Variants in DTNB observed in about 807,000 individuals in gnomAD.
The protein encoded by DTNB is dystrobrevin beta.
Under a neutral mutation model 90.7 loss-of-function variants are expected in DTNB, and 63 were observed. The observed-to-expected ratio is 0.69, with a 90% CI of 0.57 to 0.86. The LOEUF (loss-of-function observed/expected upper bound fraction) is 0.86. Among genes scored for constraint, DTNB ranks in the 40% least tolerant of loss-of-function variants. DTNB has a pLI of 0.00. For synonymous variants in DTNB, 277 were observed against 286.7 expected (o/e 0.97, Z 0.34); for missense variants, 744 against 807.1 (o/e 0.92, Z 0.95).
intron 10 of DTNB, among the ~76,000 whole-genome samples, chr2:25,464,965 C>T (rs969793005): frequency 3.9e-5 from 6 of 152,272 alleles, no homozygotes; most frequent in South Asian, 2.1e-4. Flanking sequence ...AGAGAAAGGG[C>T]ATGAGTGGAT....
At chr2:25,416,315 G>T (rs1290853499) in intron 16 of DTNB, among the ~76,000 whole-genome samples, 1 of 152,226 alleles carries the variant, frequency 6.6e-6, no homozygotes, top group Non-Finnish European at 1.5e-5. Context: ...GATTTACAGA[G>T]CCAGTTTTGG....
chr2:25,632,210 A>G (rs917377044), intron 3 of DTNB, among the ~76,000 whole-genome samples: 31 of 151,794 alleles, frequency 2.0e-4, no homozygotes, highest in Admixed American at 4.6e-4. Context: ...AAAAAAAAAA[A>G]AAAGAAATTG....
chr2:25,659,642 CA>C (rs1232816967), intron 1 of DTNB, among the ~76,000 whole-genome samples: 8 of 152,026 alleles, frequency 5.3e-5, no homozygotes, highest in African/African-American at 1.9e-4. Context: ...ATACATATAA[CA>C]ACTCAGATAA....
At chr2:25,654,999 A>G (rs1031897406) in intron 1 of DTNB, among the ~76,000 whole-genome samples, 4 of 152,250 alleles carry the variant, frequency 2.6e-5, no homozygotes, top group Admixed American at 6.5e-5. Context: ...AACAGGAGCC[A>G]TAACACTGAC....
At chr2:25,422,221 T>C (rs1006602540) in intron 15 of DTNB, among the ~76,000 whole-genome samples, 3 of 152,078 alleles carry the variant, frequency 2.0e-5, no homozygotes, top group East Asian at 1.9e-4. Flanking sequence ...CCTAAAAACA[T>C]GTGAGTCTCT....
At chr2:25,630,587 G>C (rs1242020131) in intron 3 of DTNB, among the ~76,000 whole-genome samples, 1 of 152,166 alleles carries the variant, frequency 6.6e-6, no homozygotes, top group Admixed American at 6.5e-5. Context: ...GCTCATGCCT[G>C]TAATCCCAGC....
At position 25,422,102 on chromosome 2, in the gene DTNB, G is replaced by T. The variant is rs2049909641; in HGVS notation, c.1555-2567C>A. On this transcript the variant is annotated intron_variant, in intron 15 of 20. Coordinates refer to ENST00000406818, the MANE Select transcript of DTNB (RefSeq NM_021907.5). ...CTGAGAACCTCTGTGTTATCAACTA[G>T]TCAGGTGGGGTCACTAAATATTGAC... Among the ~76,000 whole-genome samples, 5 of 152,180 alleles carry T rather than the reference G, an allele frequency of 3.3e-5. No individual in the cohort carries two copies. The South Asian group carries it at 1.0e-3, about 31-fold the overall frequency.
intron 20 of DTNB, 35 bp downstream of exon 20, chr2:25,379,255 G>A (rs370598266): frequency 3.1e-5 from 41 of 1,313,144 alleles, no homozygotes; most frequent in Non-Finnish European, 3.8e-5. Flanking sequence ...AAGGAGGGAG[G>A]GGCCGTGGGG....
chr2:25,457,117 C>T (rs149510769), intron 10 of DTNB, among the ~76,000 whole-genome samples: 85 of 152,212 alleles, frequency 5.6e-4, no homozygotes, highest in African/African-American at 1.9e-3. Context: ...TCAAGTGATT[C>T]TCCTGCCTCA....
At chr2:25,524,845 T>C (rs1211904381) in intron 9 of DTNB, among the ~76,000 whole-genome samples, 1 of 152,172 alleles carries the variant, frequency 6.6e-6, no homozygotes, top group Non-Finnish European at 1.5e-5. Context: ...CAAACAAACA[T>C]TTATGAGCTG....
At chr2:25,533,301 TG>T (rs2078628115) in intron 8 of DTNB, among the ~76,000 whole-genome samples, 1 of 138,990 alleles carries the variant, frequency 7.2e-6, no homozygotes, top group African/African-American at 2.8e-5. Context: ...CACCCCACCC[TG>T]GGCGACAGAG....
chr2:25,597,516 T>C (rs900407830), intron 5 of DTNB, among the ~76,000 whole-genome samples: 8 of 152,090 alleles, frequency 5.3e-5, no homozygotes, highest in African/African-American at 1.9e-4. Context: ...AATACACTAA[T>C]TAAAGAAAGA....
At chr2:25,409,242 C>G (rs1393415543) in intron 16 of DTNB, among the ~76,000 whole-genome samples, 1 of 151,988 alleles carries the variant, frequency 6.6e-6, no homozygotes, top group Non-Finnish European at 1.5e-5. Context: ...TTCATTCATT[C>G]ATTCATTCAT....
chr2:25,467,242 G>A (rs988754181), intron 10 of DTNB, among the ~76,000 whole-genome samples: 14 of 151,576 alleles, frequency 9.2e-5, no homozygotes, highest in Non-Finnish European at 1.6e-4. Context: ...ACTATACTAC[G>A]AATGAAGAAG....
At chr2:25,450,800 TAA>T (rs2059165952) in intron 12 of DTNB, among the ~76,000 whole-genome samples, 1 of 152,158 alleles carries the variant, frequency 6.6e-6, no homozygotes, top group African/African-American at 2.4e-5. Context: ...AATGCTACAG[TAA>T]ATAGTATTTT....
At chr2:25,518,084 G>A (rs1274586837) in intron 9 of DTNB, among the ~76,000 whole-genome samples, 3 of 151,984 alleles carry the variant, frequency 2.0e-5, no homozygotes, top group Non-Finnish European at 2.9e-5. Flanking sequence ...GCTGTTTAAC[G>A]GGTATGGAAA....
At chr2:25,653,478 GCTTTCTTTCTTT>G (rs1201675268) in intron 1 of DTNB, among the ~76,000 whole-genome samples, 2,183 of 116,594 alleles carry the variant, frequency 0.019, 94 homozygotes, top group African/African-American at 0.066. Context: ...TTCAGAGCTT[GCTTTCTTTCTTT>G]CTTTCTTTCT....
intron 7 of DTNB, among the ~76,000 whole-genome samples, chr2:25,579,368 T>C (rs1253827113): frequency 6.6e-6 from 1 of 152,216 alleles, no homozygotes; most frequent in Non-Finnish European, 1.5e-5. Flanking sequence ...AAAATTTTAT[T>C]CTGAAGTATG....
At chr2:25,575,858 G>C (rs762440167) in intron 8 of DTNB, among the ~76,000 whole-genome samples, 3 of 152,140 alleles carry the variant, frequency 2.0e-5, no homozygotes, top group Admixed American at 6.5e-5. Flanking sequence ...TTTTTGGAGG[G>C]AAAATATGGC....
Sources: allele counts gnomAD v4.1 joint callset (sites outside exome capture counted in the v4.1 genomes callset), GRCh38; gene constraint gnomAD v4.1.1; transcripts MANE v1.5; gene names NCBI Gene and HGNC (gene_info 2026-07-23, HGNC 2026-07-21).